ADNP: variants seen among roughly 807,000 people sequenced by gnomAD.
ADNP encodes the protein activity-dependent neuroprotector homeobox protein.
A neutral mutation model predicts 84.9 loss-of-function variants in ADNP; 4 were observed. That is an observed-to-expected ratio of 0.05 (90% CI 0.02 to 0.11). ADNP has a LOEUF of 0.11. Ranked by LOEUF, ADNP falls within the 10% of genes least tolerant of loss-of-function variation. The pLI is 1.00. For missense variants in ADNP, 1,132 were observed against 1,326.0 expected, an observed-to-expected ratio of 0.85 and a Z score of 2.27; for synonymous variants, 554 against 468.1, an observed-to-expected ratio of 1.18 and a Z score of -2.37.
intron 2 of ADNP, among the ~76,000 whole-genome samples, chr20:50,906,258 T>C (rs1490908602): frequency 6.7e-6 from 1 of 150,366 alleles, no homozygotes. Flanking sequence ...CCAGGTCTTT[T>C]AGAGAGAAGC....
intron 2 of ADNP, among the ~76,000 whole-genome samples, chr20:50,918,656 A>G (rs564587190): frequency 6.6e-6 from 1 of 152,348 alleles, no homozygotes; most frequent in South Asian, 2.1e-4. Context: ...GAGACGTTCA[A>G]CTACCTTGTT....
rs778193621 is a variant in ADNP, at chr20:50,893,852, C to T, written c.862G>A (p.Gly288Ser). Residue 288 changes from glycine (G) to serine (S), a missense_variant, in exon 6 of 6, where the codon GGT (glycine) becomes AGT (serine). Physicochemically the swap from Gly to Ser is moderately conservative, Grantham distance 56. Transcript: ENST00000621696. The surrounding 1 kb of genome is among the most constrained non-coding windows in gnomAD (Gnocchi z 4.4). ...CGGACATTTCCAGAAGCAAGGGAAC[C>T]GATCCTTGGTGGGAGTCCCATGCTC... is the stretch of plus-strand genomic sequence containing the variant. Reference protein sequence around the residue: ...KKSMGLPPRIGSLASGNVRSL... With the variant: ...KKSMGLPPRISSLASGNVRSL... 33 of 1,614,072 alleles carry T rather than the reference C, an allele frequency of 2.0e-5. No homozygotes were observed. Among genetic ancestry groups the T allele is most frequent in the Middle Eastern group, 1.6e-4 (1 of 6,084 alleles).
intron 2 of ADNP, among the ~76,000 whole-genome samples, chr20:50,922,464 A>C (rs2122982649): frequency 6.6e-6 from 1 of 151,872 alleles, no homozygotes; most frequent in East Asian, 1.9e-4. Context: ...GTTTATTATA[A>C]AAAGTACAGA....
In ADNP at chr20:50,893,443, G is replaced by C. The variant is rs1370018068; in HGVS notation, c.1271C>G (p.Ser424Cys). The change falls in exon 6 of 6, where the codon TCC becomes TGC. Residue 424 changes from serine (S) to cysteine (C), a missense_variant. This residue lies in a region of ADNP where 239 missense variants were observed against 213.2 expected (regional missense o/e 1.12). Transcript: ENST00000621696. The surrounding 1 kb of genome is among the most constrained non-coding windows in gnomAD (Gnocchi z 4.4). ...GGCAGCTGCAGCAGGTTTGGAACTG[G>C]ACTGACCTAACACTCTGGATGCCTG... ...QSQASRVLGQ[S>C]SSKPAAAATG... The C allele has an allele frequency of 1.9e-6, 3 of 1,614,098 alleles. No homozygotes were observed. The highest frequency in any genetic ancestry group is 1.7e-6 in the Non-Finnish European group (2 of 1,180,024).
chr20:50,928,560 G>A (rs1273944635), intron 2 of ADNP, 91 bp downstream of exon 2: 1 of 152,196 alleles, frequency 6.6e-6, no homozygotes, highest in African/African-American at 2.4e-5. Context: ...CTGAAATTTT[G>A]GAAGTGTTGG....
chr20:50,907,533 C>A (rs931133378), intron 2 of ADNP, among the ~76,000 whole-genome samples: 3 of 152,188 alleles, frequency 2.0e-5, no homozygotes, highest in African/African-American at 7.2e-5. Flanking sequence ...TCCCAAAGTG[C>A]TGGGATTACA....
intron 2 of ADNP, among the ~76,000 whole-genome samples, 168 bp downstream of exon 2, chr20:50,928,483 G>A (rs1984435904): frequency 6.6e-6 from 1 of 152,194 alleles, no homozygotes; most frequent in African/African-American, 2.4e-5. Flanking sequence ...AATTTCTTAT[G>A]TTAATAAGTG....
At chr20:50,897,238 G>C (rs893596579) in intron 5 of ADNP, among the ~76,000 whole-genome samples, 1 of 152,220 alleles carries the variant, frequency 6.6e-6, no homozygotes, top group African/African-American at 2.4e-5. Context: ...ACCAAGCCCG[G>C]CCACGTGTTT....
At chr20:50,898,616 C>A (rs1265779449) in intron 5 of ADNP, among the ~76,000 whole-genome samples, 2 of 152,240 alleles carry the variant, frequency 1.3e-5, no homozygotes, top group African/African-American at 2.4e-5. Flanking sequence ...TGATTCTCCA[C>A]CTTCGTAGTC....
chr20:50,893,606 G>A lies in ADNP; in HGVS notation c.1108C>T (p.Leu370Phe), dbSNP rs749861265. The change falls in exon 6 of 6, where the codon CTT becomes TTT. Residue 370 changes from leucine to phenylalanine, a missense_variant. Physicochemically the swap from Leu to Phe is conservative, Grantham distance 22. This residue lies in a region of ADNP where 239 missense variants were observed against 213.2 expected (regional missense o/e 1.12). Coordinates refer to ENST00000621696, the MANE Select transcript of ADNP (RefSeq NM_001282531.3). The surrounding 1 kb of genome is among the most constrained non-coding windows in gnomAD (Gnocchi z 4.4). ...TAAGACCTTCCGTTTCCACTTGGAA[G>A]TAACTGCTTTACAGACTGAGATTGT... ...PQQSQSVKQL[L>F]PSGNGRSYGL... is the part of the protein sequence containing the mutation. The A allele has an allele frequency of 6.2e-7, 1 of 1,614,186 alleles. No homozygotes were observed. Among genetic ancestry groups the A allele is most frequent in the South Asian group, 1.1e-5 (1 of 91,082 alleles).
intron 2 of ADNP, among the ~76,000 whole-genome samples, chr20:50,909,070 TAAA>T (rs745349074): frequency 7.2e-6 from 1 of 138,854 alleles, no homozygotes; most frequent in African/African-American, 2.7e-5. Context: ...GGATGGCCAT[TAAA>T]AAAAAAAAAA....
chr20:50,905,653 G>A (rs1982403342), intron 2 of ADNP: 1 of 152,106 alleles, frequency 6.6e-6, no homozygotes, highest in South Asian at 2.1e-4. Flanking sequence ...AAAATGAAAA[G>A]TATTTCAAAA....
At position 50,926,955 on chromosome 20, in the gene ADNP, A is replaced by C. The variant is rs558737717; in HGVS notation, c.-90+1696T>G. On this transcript the variant is annotated intron_variant, in intron 2 of 5. Transcript: ENST00000621696. ...AATAAACTTGAGTATTTTAGTTTTC[A>C]AAATACTAACTTTTTAATACTTTCA... Among the ~76,000 whole-genome samples, 34 of 152,302 alleles carry C rather than the reference A, an allele frequency of 2.2e-4. 1 individual carries two copies. In the South Asian group the frequency reaches 6.8e-3, roughly 31 times the overall value.
chr20:50,915,153 GA>G (rs981369019), intron 2 of ADNP, among the ~76,000 whole-genome samples: 6 of 152,114 alleles, frequency 3.9e-5, no homozygotes, highest in Non-Finnish European at 5.9e-5. Context: ...AATGTTGAAA[GA>G]AAAAAACATC....
chr20:50,906,758 T>TA (rs1982513558), intron 2 of ADNP, among the ~76,000 whole-genome samples: 1 of 152,172 alleles, frequency 6.6e-6, no homozygotes, highest in African/African-American at 2.4e-5. Flanking sequence ...TAAGGGAACT[T>TA]AGTTGTAAGA....
At chr20:50,902,461 G>GA (rs1982081787) in intron 4 of ADNP, among the ~76,000 whole-genome samples, 5 of 152,198 alleles carry the variant, frequency 3.3e-5, no homozygotes, top group African/African-American at 1.2e-4. Flanking sequence ...GTCTAAAATA[G>GA]CAATGTTTGC....
At chr20:50,899,500 G>A (rs991521931) in intron 5 of ADNP, among the ~76,000 whole-genome samples, 2 of 152,076 alleles carry the variant, frequency 1.3e-5, no homozygotes, top group Non-Finnish European at 2.9e-5. Flanking sequence ...CATGAGCCCA[G>A]CGCCCGGCCG....
At chr20:50,911,500 C>A (rs928586589) in intron 2 of ADNP, among the ~76,000 whole-genome samples, 1 of 148,468 alleles carries the variant, frequency 6.7e-6, no homozygotes, top group African/African-American at 2.5e-5. Context: ...ACCCAGATTT[C>A]TTTTCTTTTC....
At chr20:50,916,320 T>C (rs1983508347) in intron 2 of ADNP, among the ~76,000 whole-genome samples, 1 of 152,334 alleles carries the variant, frequency 6.6e-6, no homozygotes, top group Non-Finnish European at 1.5e-5. Flanking sequence ...CAAAATCCCA[T>C]CAGGCAGCTC....
Sources: gnomAD v4.1 joint callset for allele counts (sites outside exome capture counted in the v4.1 genomes callset) on GRCh38, gnomAD v4.1.1 for gene constraint, gnomAD v4.1.1 regional missense constraint, Gnocchi (gnomAD v3.1) non-coding constraint, MANE v1.5 for transcripts, NCBI Gene and HGNC (gene_info 2026-07-23, HGNC 2026-07-21) for gene names.